WWOX: variants seen among roughly 807,000 people sequenced by gnomAD.
WWOX encodes WW domain-containing oxidoreductase.
Under a neutral mutation model 46.2 loss-of-function variants are expected in WWOX, and 69 were observed. The observed-to-expected ratio is 1.49, with a 90% confidence interval of 1.23 to 1.82. The LOEUF (loss-of-function observed/expected upper bound fraction) is 1.82. Ranked by LOEUF, WWOX falls within the 40% of genes most tolerant of loss-of-function variation. The probability of loss-of-function intolerance (pLI) is 0.00; values close to 1 mark genes in which losing one functional copy is unlikely to be tolerated. For synonymous variants in WWOX, 359 were observed against 202.6 expected (o/e 1.77, Z -6.56); for missense variants, 919 against 542.6 (o/e 1.69, Z -6.89).
At chr16:79,042,793 A>C (rs1250034606) in intron 8 of WWOX, among the ~76,000 whole-genome samples, 1 of 147,432 alleles carries the variant, frequency 6.8e-6, no homozygotes. Context: ...ACATTTGTCT[A>C]ATATACTGTT....
chr16:78,637,750 C>G (rs189384298), intron 8 of WWOX, among the ~76,000 whole-genome samples: 1 of 152,308 alleles, frequency 6.6e-6, no homozygotes, highest in Non-Finnish European at 1.5e-5. Flanking sequence ...CCTTTGGTGG[C>G]AGCTAAGAGT....
At chr16:78,327,157 C>T (rs181092027) in intron 5 of WWOX, among the ~76,000 whole-genome samples, 80 of 152,254 alleles carry the variant, frequency 5.3e-4, no homozygotes, top group Non-Finnish European at 8.2e-4. Flanking sequence ...GCCATCCAAG[C>T]CCAGAGTTCA....
intron 8 of WWOX, among the ~76,000 whole-genome samples, chr16:78,783,756 A>G (rs28704919): frequency 6.6e-6 from 1 of 151,810 alleles, no homozygotes; most frequent in Admixed American, 6.6e-5. Context: ...GATGGTGATG[A>G]TGGTAGTATG....
chr16:78,362,274 C>A (rs532561676), intron 5 of WWOX, among the ~76,000 whole-genome samples: 1 of 151,718 alleles, frequency 6.6e-6, no homozygotes, highest in South Asian at 2.1e-4. Context: ...GAACAAGAGA[C>A]GAGACACAGC....
intron 8 of WWOX, among the ~76,000 whole-genome samples, chr16:78,972,906 C>T (rs1597224104): frequency 6.6e-6 from 1 of 152,160 alleles, no homozygotes; most frequent in African/African-American, 2.4e-5. Context: ...ATTTTATTAG[C>T]GCTGGAGCCT....
intron 7 of WWOX, among the ~76,000 whole-genome samples, chr16:78,430,564 C>G (rs1382424838): frequency 6.6e-6 from 1 of 152,122 alleles, no homozygotes; most frequent in Admixed American, 6.5e-5. Context: ...CTACCATCAC[C>G]AGCAGTCATC....
intron 8 of WWOX, among the ~76,000 whole-genome samples, chr16:78,979,431 GTACGTGACAGGC>G (rs1470333464): frequency 3.3e-5 from 5 of 152,126 alleles, no homozygotes; most frequent in Admixed American, 2.6e-4. Flanking sequence ...CTCGGAATAC[GTACGTGACAGGC>G]TCCCCCATCG....
At chr16:78,723,376 G>C (rs368130046) in intron 8 of WWOX, among the ~76,000 whole-genome samples, 4 of 152,162 alleles carry the variant, frequency 2.6e-5, no homozygotes, top group African/African-American at 9.6e-5. Flanking sequence ...TGAGAAGTGA[G>C]GCAGGAGAAG....
At chr16:79,186,246 C>T (rs1261823668) in intron 8 of WWOX, among the ~76,000 whole-genome samples, 2 of 152,196 alleles carry the variant, frequency 1.3e-5, no homozygotes, top group East Asian at 1.9e-4. Context: ...CTGTAACAAA[C>T]TGCACAGCCT....
intron 8 of WWOX, among the ~76,000 whole-genome samples, chr16:78,679,496 A>G (rs1204701821): frequency 2.0e-5 from 3 of 152,170 alleles, no homozygotes; most frequent in Non-Finnish European, 4.4e-5. Flanking sequence ...GGTTGCAGTG[A>G]GCCAAAATTG....
At chr16:78,732,278 G>T (rs1164804313) in intron 8 of WWOX, among the ~76,000 whole-genome samples, 1 of 152,114 alleles carries the variant, frequency 6.6e-6, no homozygotes, top group Non-Finnish European at 1.5e-5. Flanking sequence ...CCGTCTGGTT[G>T]TGTCTCTCAC....
At chr16:78,823,883 C>G (rs2051576258) in intron 8 of WWOX, among the ~76,000 whole-genome samples, 1 of 151,860 alleles carries the variant, frequency 6.6e-6, no homozygotes, top group African/African-American at 2.4e-5. Context: ...TTAAGTGATC[C>G]TGCCACCTCA....
chr16:78,530,032 G>T lies in WWOX; in HGVS notation c.1056+97280G>T, dbSNP rs941999055. ...TGGCTGCTTTGGTGCCAGTAGAGGT[G>T]AACTGCACTCACTTGAACCCCCTGC... is the stretch of plus-strand genomic sequence containing the variant. On this transcript the variant is annotated intron_variant, in intron 8 of 8. Coordinates refer to ENST00000566780, the MANE Select transcript of WWOX (RefSeq NM_016373.4). 2.0e-5 allele frequency among the ~76,000 whole-genome samples: 3 copies of T among 152,262 alleles called. No individual in the cohort carries two copies. The East Asian group carries it at 5.8e-4, about 30-fold the overall frequency.
intron 8 of WWOX, chr16:78,899,281 A>G (rs905105797): frequency 6.6e-6 from 1 of 152,140 alleles, no homozygotes; most frequent in Non-Finnish European, 1.5e-5. Context: ...ATGTGTTCAT[A>G]TATATATGTT....
intron 8 of WWOX, among the ~76,000 whole-genome samples, chr16:78,968,276 G>A (rs575156381): frequency 2.0e-4 from 31 of 152,336 alleles, no homozygotes; most frequent in Middle Eastern, 3.4e-3. Flanking sequence ...TCCAGAAACT[G>A]TGCCCCATAG....
At chr16:78,421,405 T>C (rs1487066014) in intron 6 of WWOX, among the ~76,000 whole-genome samples, 1 of 152,216 alleles carries the variant, frequency 6.6e-6, no homozygotes. Flanking sequence ...TCTGTGGGTG[T>C]TCCTTCTCCC....
At chr16:79,122,569 TC>T (rs1458420983) in intron 8 of WWOX, among the ~76,000 whole-genome samples, 1 of 151,964 alleles carries the variant, frequency 6.6e-6, no homozygotes, top group African/African-American at 2.4e-5. Context: ...CCTCATTCTT[TC>T]TTTCCCTCTC....
chr16:78,426,981 G>A (rs913012651), intron 7 of WWOX, among the ~76,000 whole-genome samples: 9 of 152,078 alleles, frequency 5.9e-5, no homozygotes, highest in African/African-American at 1.9e-4. Flanking sequence ...ATTATTTAAG[G>A]GTGTTTTAAC....
chr16:78,362,519 G>C (rs548289022), intron 5 of WWOX, among the ~76,000 whole-genome samples: 16 of 152,224 alleles, frequency 1.1e-4, no homozygotes, highest in Admixed American at 5.9e-4. Context: ...TGAGGCAGCA[G>C]AATTGCCTGA....
Sources: allele counts gnomAD v4.1 joint callset (sites outside exome capture counted in the v4.1 genomes callset), GRCh38; gene constraint gnomAD v4.1.1; transcripts MANE v1.5; gene names NCBI Gene and HGNC (gene_info 2026-07-23, HGNC 2026-07-21).